The following TC2N variants were observed in gnomAD, a reference collection of about 807,000 sequenced individuals.
TC2N encodes the protein tandem C2 domains, nuclear, also known as tandem C2 domains nuclear protein.
In TC2N, 51 loss-of-function variants were observed where a neutral mutation model predicts 61.9. The ratio of observed to expected loss-of-function variants is 0.82; its 90% CI spans 0.66 to 1.04. The LOEUF is 1.04. Among genes scored for constraint, TC2N ranks in the 50% least tolerant of loss-of-function variants. The pLI, the probability that TC2N is intolerant of heterozygous loss-of-function variation, is 0.00. For synonymous variants in TC2N, 204 were observed against 192.6 expected (o/e 1.06, Z -0.49); for missense variants, 556 against 566.7 (o/e 0.98, Z 0.19).
chr14:91,830,568 G>A lies in TC2N; in HGVS notation c.-56-16743C>T, dbSNP rs1426580380. Among the ~76,000 whole-genome samples the A allele has an allele frequency of 2.6e-5, 4 of 152,254 alleles. No individual in the cohort carries two copies. In the South Asian group the frequency reaches 8.3e-4, roughly 32 times the overall value. Reference sequence around the variant, plus strand: ...AGAAGGAAGAGGCAAATGGGGAATGGCTGCTAATGGGTACAAGGTTTTTTT... The same window carrying A: ...AGAAGGAAGAGGCAAATGGGGAATGACTGCTAATGGGTACAAGGTTTTTTT... On this transcript the variant is annotated intron_variant, in intron 1 of 11. Coordinates refer to ENST00000435962, the MANE Select transcript of TC2N (RefSeq NM_001128596.3).
chr14:91,860,166 A>G (rs1888561781), intron 1 of TC2N, among the ~76,000 whole-genome samples: 2 of 152,174 alleles, frequency 1.3e-5, no homozygotes, highest in Admixed American at 1.3e-4. Context: ...CCAAAGTAGA[A>G]AACAAGATGA....
chr14:91,785,966 T>C (rs559126225), intron 10 of TC2N, among the ~76,000 whole-genome samples: 1 of 152,128 alleles, frequency 6.6e-6, no homozygotes, highest in African/African-American at 2.4e-5. Flanking sequence ...TTCAGGTTGA[T>C]ATAGCTTTTC....
chr14:91,853,996 C>T lies in TC2N; in HGVS notation c.-57+13266G>A, dbSNP rs975631767. On this transcript the variant is annotated intron_variant, in intron 1 of 11. Transcript: ENST00000435962. ...TTTCTCTGAATCCAGAGTCAAAATA[C>T]AGAGTTTTAAAAACTGATTTATAAA... 5.9e-5 allele frequency among the ~76,000 whole-genome samples: 9 copies of T among 152,054 alleles called. No homozygotes were observed. In the East Asian group the frequency reaches 1.5e-3, roughly 26 times the overall value.
intron 1 of TC2N, among the ~76,000 whole-genome samples, 171 bp from the exon 2 acceptor site, chr14:91,813,996 G>C (rs1886893825): frequency 6.6e-6 from 1 of 151,514 alleles, no homozygotes; most frequent in Non-Finnish European, 1.5e-5. Context: ...TAACTTATTT[G>C]TAAGTTATTA....
intron 1 of TC2N, among the ~76,000 whole-genome samples, chr14:91,844,419 T>C (rs1888225335): frequency 1.3e-5 from 2 of 152,040 alleles, no homozygotes; most frequent in Non-Finnish European, 2.9e-5. Context: ...CACACCCCAA[T>C]ATATAAAGCC....
intron 3 of TC2N, among the ~76,000 whole-genome samples, chr14:91,811,660 C>G (rs1396009133): frequency 6.6e-6 from 1 of 151,962 alleles, no homozygotes; most frequent in Non-Finnish European, 1.5e-5. Context: ...AAATAAGAAA[C>G]ATGTTTTCTA....
intron 3 of TC2N, among the ~76,000 whole-genome samples, chr14:91,806,192 T>C (rs981552757): frequency 2.0e-4 from 31 of 152,182 alleles, no homozygotes; most frequent in African/African-American, 7.2e-4. Flanking sequence ...GTGAGTCCAT[T>C]AAACCTCTTT....
chr14:91,858,606 ACT>A (rs1051516315), intron 1 of TC2N, among the ~76,000 whole-genome samples: 7 of 152,024 alleles, frequency 4.6e-5, no homozygotes, highest in African/African-American at 1.7e-4. Context: ...TTAGCAAATG[ACT>A]CTGCTGCTTC....
intron 1 of TC2N, among the ~76,000 whole-genome samples, chr14:91,828,072 A>G (rs1365400652): frequency 2.6e-5 from 4 of 152,226 alleles, no homozygotes; most frequent in Non-Finnish European, 4.4e-5. Context: ...TCTTTCTTGC[A>G]TCGCCAACTG....
chr14:91,833,711 C>A (rs969590417), intron 1 of TC2N, among the ~76,000 whole-genome samples: 1 of 152,138 alleles, frequency 6.6e-6, no homozygotes, highest in Admixed American at 6.5e-5. Context: ...TATGTTTGGG[C>A]ATAGCTTATG....
intron 1 of TC2N, among the ~76,000 whole-genome samples, chr14:91,823,711 G>A (rs898201926): frequency 2.0e-5 from 3 of 151,956 alleles, no homozygotes; most frequent in Non-Finnish European, 2.9e-5. Flanking sequence ...CAGGTTAACA[G>A]ACTATGTGCT....
At chr14:91,861,913 A>AATATATATATAT (rs10654548) in intron 1 of TC2N, among the ~76,000 whole-genome samples, 1 of 148,840 alleles carries the variant, frequency 6.7e-6, no homozygotes, top group Non-Finnish European at 1.5e-5. Flanking sequence ...GTCGTTGGAA[A>AATATATATATAT]ATATATATAT....
chr14:91,782,928 A>G lies in TC2N; in HGVS notation c.*172T>C. ...TTTCCTTTACTTTGGATATCTGATA[A>G]AATTCATTACATTTTCTTATCAAAT... On this transcript the variant is annotated 3_prime_UTR_variant, in exon 12 of 12. Coordinates refer to ENST00000435962, the MANE Select transcript of TC2N (RefSeq NM_001128596.3). The G allele has an allele frequency of 2.0e-6, 1 of 501,662 alleles. No individual in the cohort carries two copies. The highest frequency in any genetic ancestry group is 3.5e-6 in the Non-Finnish European group (1 of 284,436). 31.1% of individuals were successfully genotyped at this position (501,662 alleles called of 1,614,324 possible).
intron 1 of TC2N, among the ~76,000 whole-genome samples, chr14:91,829,832 A>G (rs1349166341): frequency 1.3e-5 from 2 of 152,194 alleles, no homozygotes; most frequent in African/African-American, 4.8e-5. Flanking sequence ...GAATATCTGC[A>G]TTTGTTTACC....
intron 11 of TC2N, among the ~76,000 whole-genome samples, chr14:91,784,409 C>T (rs1360341641): frequency 6.6e-6 from 1 of 151,972 alleles, no homozygotes; most frequent in Admixed American, 6.6e-5. Flanking sequence ...AAAAGTAAAT[C>T]AAGGAGCTGA....
chr14:91,812,418 T>C lies in TC2N; in HGVS notation c.195A>G (p.Lys65=), dbSNP rs757367798. 1 of 1,612,560 alleles carries C rather than the reference T, an allele frequency of 6.2e-7. No individual in the cohort carries two copies. Among genetic ancestry groups the C allele is most frequent in the East Asian group, 2.2e-5 (1 of 44,808 alleles). ...LGCTEDYLLS[K]LPSDGKEVPF... is the part of the protein sequence containing the mutation. ...GTACTTCTTTGCCATCAGATGGTAA[T>C]TTGGAAAGCAAATAATCCTCAGTAC... Residue 65 remains lysine, a synonymous_variant, in exon 3 of 12, where the codon AAA becomes AAG. Transcript: ENST00000435962.
intron 5 of TC2N, among the ~76,000 whole-genome samples, chr14:91,799,382 A>G (rs1304260588): frequency 6.6e-6 from 1 of 152,116 alleles, no homozygotes; most frequent in East Asian, 1.9e-4. Context: ...ATTTATTTAG[A>G]AATAGCCTGC....
At chr14:91,849,918 A>G (rs1226472970) in intron 1 of TC2N, among the ~76,000 whole-genome samples, 1 of 152,036 alleles carries the variant, frequency 6.6e-6, no homozygotes, top group African/African-American at 2.4e-5. Context: ...GCGTGGTGGC[A>G]TGCGACTGTA....
chr14:91,789,622 AC>A (rs1885547724), intron 9 of TC2N, among the ~76,000 whole-genome samples: 2 of 145,664 alleles, frequency 1.4e-5, no homozygotes, highest in Admixed American at 1.4e-4. Context: ...AAAACAAAAA[AC>A]AAAAAAAAAA....
Sources: gnomAD v4.1 joint callset for allele counts (sites outside exome capture counted in the v4.1 genomes callset) on GRCh38, gnomAD v4.1.1 for gene constraint, MANE v1.5 for transcripts, NCBI Gene and HGNC (gene_info 2026-07-23, HGNC 2026-07-21) for gene names.